COL22A1: variants seen among roughly 807,000 people sequenced by gnomAD.
The protein encoded by COL22A1 is collagen type XXII alpha 1 chain.
A neutral mutation model predicts 248.9 loss-of-function variants in COL22A1; 221 were observed. The ratio of observed to expected loss-of-function variants is 0.89; its 90% confidence interval spans 0.80 to 0.99. COL22A1 has a LOEUF of 0.99. COL22A1 is among the 50% of genes least tolerant of loss of function. The probability of loss-of-function intolerance (pLI) is 0.00; values close to 1 mark genes in which losing one functional copy is unlikely to be tolerated. For missense variants in COL22A1, 2,240 were observed against 2,179.0 expected, an observed-to-expected ratio of 1.03 and a Z score of -0.56; for synonymous variants, 891 against 793.4, an observed-to-expected ratio of 1.12 and a Z score of -2.07.
At chr8:138,657,485 G>C (rs1186256495) in intron 44 of COL22A1, among the ~76,000 whole-genome samples, 1 of 152,212 alleles carries the variant, frequency 6.6e-6, no homozygotes, top group Non-Finnish European at 1.5e-5. Context: ...GTCACAAAGG[G>C]AGAGAGAATG....
chr8:138,698,650 G>A (rs187779276), intron 32 of COL22A1, among the ~76,000 whole-genome samples: 15 of 151,420 alleles, frequency 9.9e-5, no homozygotes, highest in African/African-American at 2.9e-4. Flanking sequence ...AGGTGAAAGA[G>A]GTGCTGTGTC....
intron 50 of COL22A1, among the ~76,000 whole-genome samples, chr8:138,629,158 A>G (rs1044127361): frequency 6.7e-6 from 1 of 148,894 alleles, no homozygotes; most frequent in Non-Finnish European, 1.5e-5. Context: ...ATTAGTTTTT[A>G]TTAGGGAAAT....
intron 17 of COL22A1, 53 bp downstream of exon 17, chr8:138,762,360 C>T: frequency 6.4e-7 from 1 of 1,563,300 alleles, no homozygotes. Context: ...CTGGTCATTC[C>T]CATCCTCTGA....
intron 40 of COL22A1, among the ~76,000 whole-genome samples, 180 bp downstream of exon 40, chr8:138,679,437 T>C (rs1825797660): frequency 1.3e-5 from 2 of 152,322 alleles, no homozygotes; most frequent in East Asian, 3.9e-4. Context: ...ATTTGTTTGC[T>C]CTTCTGTTTT....
At chr8:138,875,033 T>G (rs1823609128) in intron 3 of COL22A1, among the ~76,000 whole-genome samples, 1 of 152,104 alleles carries the variant, frequency 6.6e-6, no homozygotes. Context: ...GTCTCTTCAC[T>G]GAAACCCATT....
At chr8:138,625,026 C>T (rs1434023277) in intron 51 of COL22A1, among the ~76,000 whole-genome samples, 1 of 152,198 alleles carries the variant, frequency 6.6e-6, no homozygotes, top group Non-Finnish European at 1.5e-5. Flanking sequence ...ATGTTACGTC[C>T]TCAGATCTAA....
chr8:138,691,505 A>AAG (rs1826875520), intron 35 of COL22A1, among the ~76,000 whole-genome samples: 1 of 68,030 alleles, frequency 1.5e-5, no homozygotes, highest in African/African-American at 5.1e-5. Flanking sequence ...GTGCACGTCC[A>AAG]TGTGTGCATA....
intron 43 of COL22A1, among the ~76,000 whole-genome samples, chr8:138,660,752 T>C (rs910836270): frequency 6.6e-6 from 1 of 151,494 alleles, no homozygotes; most frequent in Non-Finnish European, 1.5e-5. Flanking sequence ...AAACAACTCA[T>C]GCACACAGAA....
At chr8:138,743,455 G>A (rs1269200514) in intron 22 of COL22A1, among the ~76,000 whole-genome samples, 3 of 151,688 alleles carry the variant, frequency 2.0e-5, no homozygotes, top group Non-Finnish European at 4.4e-5. Flanking sequence ...TGGAGTTGAT[G>A]GTTTTGGTGG....
intron 1 of COL22A1, among the ~76,000 whole-genome samples, chr8:138,903,476 TG>T (rs1244163479): frequency 6.6e-6 from 1 of 152,162 alleles, no homozygotes; most frequent in Non-Finnish European, 1.5e-5. Context: ...AAAGGTCTAA[TG>T]GGCTTTAAGT....
In COL22A1 at chr8:138,720,811, A is replaced by G. The variant is rs1829814540; in HGVS notation, c.2302-19T>C. 6.2e-7 allele frequency: 1 copy of G among 1,603,922 alleles called. No individual in the cohort carries two copies. Among genetic ancestry groups the G allele is most frequent in the African/African-American group, 1.3e-5 (1 of 74,512 alleles). On this transcript the variant is annotated intron_variant, in intron 26 of 64. Transcript: ENST00000303045. ...GTTCTCCCTGGAAGGAATACAGAGC[A>G]AAGTTAACAGGAGACGGGCCATGCT...
At chr8:138,746,281 G>A (rs1159660136) in intron 22 of COL22A1, among the ~76,000 whole-genome samples, 2 of 152,128 alleles carry the variant, frequency 1.3e-5, no homozygotes, top group African/African-American at 4.8e-5. Flanking sequence ...CTCTTCCCTT[G>A]CACAGCCTGA....
At position 138,812,996 on chromosome 8, in the gene COL22A1, G is replaced by A; in HGVS notation, c.1269C>T (p.Ile423=). The A allele has an allele frequency of 6.2e-7, 1 of 1,613,962 alleles. No homozygotes were observed. Among genetic ancestry groups the A allele is most frequent in the Non-Finnish European group, 8.5e-7 (1 of 1,179,890 alleles). Residue 423 remains isoleucine, a synonymous_variant, in exon 8 of 65, where the codon ATC becomes ATT. Coordinates refer to ENST00000303045, the MANE Select transcript of COL22A1 (RefSeq NM_152888.3). ...ATTCTGCGTGTCTCGAGTCACAATA[G>A]ATCACAATCCGCTGTAGGTCAAACT... The part of the protein sequence containing the change: ...PIDFDLQRIV[I]YCDSRHAELE...
intron 38 of COL22A1, among the ~76,000 whole-genome samples, 165 bp from the exon 39 acceptor site, chr8:138,684,634 A>C (rs1468458977): frequency 6.6e-6 from 1 of 152,078 alleles, no homozygotes; most frequent in African/African-American, 2.4e-5. Context: ...TTGAGCCACA[A>C]GGCCCTGGAT....
At chr8:138,603,051 ACT>A (rs746938027) in intron 59 of COL22A1, among the ~76,000 whole-genome samples, 23 of 152,100 alleles carry the variant, frequency 1.5e-4, no homozygotes, top group Admixed American at 3.9e-4. Flanking sequence ...TGGTTGATAG[ACT>A]CTACATTGAT....
At chr8:138,745,539 G>A (rs1185805617) in intron 22 of COL22A1, among the ~76,000 whole-genome samples, 1 of 151,724 alleles carries the variant, frequency 6.6e-6, no homozygotes, top group African/African-American at 2.4e-5. Flanking sequence ...CAGGTGTGAG[G>A]GACTCTTCTC....
At chr8:138,744,619 T>C (rs57203079) in intron 22 of COL22A1, among the ~76,000 whole-genome samples, 4,007 of 152,288 alleles carry the variant, frequency 0.026, 182 homozygotes, top group African/African-American at 0.091. Context: ...AGTAATTTGA[T>C]GTATACCTTT....
At chr8:138,871,143 G>C (rs189029800) in intron 3 of COL22A1, among the ~76,000 whole-genome samples, 1 of 152,080 alleles carries the variant, frequency 6.6e-6, no homozygotes, top group African/African-American at 2.4e-5. Flanking sequence ...GGCCAGACAC[G>C]CCACCCAGAC....
At chr8:138,695,609 G>A (rs972197529) in intron 32 of COL22A1, among the ~76,000 whole-genome samples, 1 of 152,072 alleles carries the variant, frequency 6.6e-6, no homozygotes, top group African/African-American at 2.4e-5. Context: ...GGTCAGAATG[G>A]TGTGTCTAAC....
Sources: allele counts gnomAD v4.1 joint callset (sites outside exome capture counted in the v4.1 genomes callset), GRCh38; gene constraint gnomAD v4.1.1; transcripts MANE v1.5; gene names NCBI Gene and HGNC (gene_info 2026-07-23, HGNC 2026-07-21).